The following TNFSF4 variants were observed in gnomAD, a reference collection of about 807,000 sequenced individuals.
TNFSF4 encodes the protein tumor necrosis factor ligand superfamily member 4.
A neutral mutation model predicts 7.3 loss-of-function variants in TNFSF4; 4 were observed. The observed-to-expected ratio is 0.55, with a 90% CI of 0.27 to 1.25. The LOEUF is 1.25. Ranked by LOEUF, TNFSF4 falls within the 50% of genes most tolerant of loss-of-function variation. The probability of loss-of-function intolerance (pLI) is 0.12; values close to 1 mark genes in which losing one functional copy is unlikely to be tolerated. For synonymous variants in TNFSF4, 76 were observed against 83.7 expected, an observed-to-expected ratio of 0.91 and a Z score of 0.50; for missense variants, 181 against 208.8, an observed-to-expected ratio of 0.87 and a Z score of 0.82.
chr1:173,246,286 C>A, the TNFSF4 span, among the ~76,000 whole-genome samples: 1 of 151,978 alleles, frequency 6.6e-6, no homozygotes, highest in Admixed American at 6.6e-5. Flanking sequence ...AGGTATTTTT[C>A]CTAATGTTCT....
At chr1:173,370,045 T>G in the TNFSF4 span, among the ~76,000 whole-genome samples, 2 of 152,066 alleles carry the variant, frequency 1.3e-5, no homozygotes, top group Non-Finnish European at 2.9e-5. Flanking sequence ...ATCAGTTATG[T>G]CCCCTTCAAG....
chr1:173,322,405 G>A, the TNFSF4 span, among the ~76,000 whole-genome samples: 1 of 151,994 alleles, frequency 6.6e-6, no homozygotes, highest in Non-Finnish European at 1.5e-5. Context: ...GATGATGGGG[G>A]GTGGAGCCAA....
chr1:173,316,327 T>C, the TNFSF4 span, among the ~76,000 whole-genome samples: 1 of 152,138 alleles, frequency 6.6e-6, no homozygotes, highest in African/African-American at 2.4e-5. Context: ...AACTTGTATT[T>C]AAATAAATTA....
chr1:173,175,735 G>C, the TNFSF4 span, among the ~76,000 whole-genome samples: 3 of 152,304 alleles, frequency 2.0e-5, no homozygotes, highest in Non-Finnish European at 2.9e-5. Flanking sequence ...CATCAGGTCA[G>C]ACCAGCACTT....
chr1:173,394,441 T>C, the TNFSF4 span, among the ~76,000 whole-genome samples: 1 of 152,308 alleles, frequency 6.6e-6, no homozygotes, highest in African/African-American at 2.4e-5. Context: ...CAATTTCATG[T>C]GTCAACTTGA....
chr1:173,364,843 A>G, the TNFSF4 span, among the ~76,000 whole-genome samples: 95 of 152,278 alleles, frequency 6.2e-4, no homozygotes, highest in Middle Eastern at 3.4e-3. Flanking sequence ...ACAAGTTGCC[A>G]TTTTAATTAC....
At chr1:173,337,609 C>T in the TNFSF4 span, among the ~76,000 whole-genome samples, 3 of 152,320 alleles carry the variant, frequency 2.0e-5, no homozygotes, top group South Asian at 6.2e-4. Flanking sequence ...AGCTGCAGCA[C>T]TATAGCCTTT....
the TNFSF4 span, among the ~76,000 whole-genome samples, chr1:173,373,206 C>T: frequency 6.6e-6 from 1 of 152,268 alleles, no homozygotes; most frequent in East Asian, 1.9e-4. Flanking sequence ...GAAGTTATTG[C>T]ACAAAGTACA....
the TNFSF4 span, among the ~76,000 whole-genome samples, chr1:173,264,317 C>CTTTTTTT: frequency 4.2e-4 from 46 of 110,538 alleles, no homozygotes; most frequent in African/African-American, 9.2e-4. Flanking sequence ...CTGGCTTCTT[C>CTTTTTTT]TTTTTTTTTT....
the TNFSF4 span, among the ~76,000 whole-genome samples, chr1:173,314,788 G>T: frequency 6.6e-6 from 1 of 152,128 alleles, no homozygotes; most frequent in South Asian, 2.1e-4. Context: ...AGACACAGAG[G>T]AAAGAGTGCT....
chr1:173,304,768 A>G, the TNFSF4 span, among the ~76,000 whole-genome samples: 2 of 152,106 alleles, frequency 1.3e-5, no homozygotes, highest in African/African-American at 4.8e-5. Context: ...AGAGCAAGCA[A>G]TCTGGGAGAG....
At chr1:173,412,087 G>A in the TNFSF4 span, among the ~76,000 whole-genome samples, 5 of 143,808 alleles carry the variant, frequency 3.5e-5, no homozygotes, top group Non-Finnish European at 6.0e-5. Flanking sequence ...TTGCACTCCA[G>A]CCTGGCAACA....
the TNFSF4 span, among the ~76,000 whole-genome samples, chr1:173,348,699 T>C: frequency 6.6e-6 from 1 of 152,104 alleles, no homozygotes; most frequent in Admixed American, 6.5e-5. Context: ...CACAAATTAT[T>C]AGTATCATGC....
the TNFSF4 span, among the ~76,000 whole-genome samples, chr1:173,338,146 C>T: frequency 1.3e-5 from 2 of 152,146 alleles, no homozygotes; most frequent in Non-Finnish European, 2.9e-5. Context: ...ACCCTGAGTC[C>T]CCAGCATGGT....
At chr1:173,260,746 C>T in the TNFSF4 span, among the ~76,000 whole-genome samples, 3 of 152,162 alleles carry the variant, frequency 2.0e-5, no homozygotes, top group Non-Finnish European at 1.5e-5. Context: ...CAAAGAAGGG[C>T]ATTACATAAT....
At chr1:173,195,949 T>C (rs1284614175) in intron 1 of TNFSF4, among the ~76,000 whole-genome samples, 3 of 152,174 alleles carry the variant, frequency 2.0e-5, no homozygotes, top group African/African-American at 4.8e-5. Flanking sequence ...TCCCCGCACC[T>C]TGGGCTTCAT....
At position 173,197,600 on chromosome 1, in the gene TNFSF4, A is replaced by C. The variant is rs563339246; in HGVS notation, c.154-9031T>G. 2.1e-3 allele frequency among the ~76,000 whole-genome samples: 317 copies of C among 152,294 alleles called. 1 individual carries two copies. The highest frequency in any genetic ancestry group is 3.5e-3 in the Non-Finnish European group (238 of 68,016). Reference sequence around the variant, plus strand: ...CAAACTAACACAGGAACAGAAAAACACCGCATGTTCTCACTTATAAGTGGG... The same window carrying C: ...CAAACTAACACAGGAACAGAAAAACCCCGCATGTTCTCACTTATAAGTGGG... On this transcript the variant is annotated intron_variant, in intron 1 of 2. Transcript: ENST00000281834.
At chr1:173,447,493 G>A in the TNFSF4 span, among the ~76,000 whole-genome samples, 1 of 152,264 alleles carries the variant, frequency 6.6e-6, no homozygotes, top group East Asian at 1.9e-4. Context: ...TAGGGGTAGA[G>A]GGCATATGGG....
chr1:173,437,336 CTTTTT>C, the TNFSF4 span, among the ~76,000 whole-genome samples: 1 of 152,062 alleles, frequency 6.6e-6, no homozygotes, highest in African/African-American at 2.4e-5. Flanking sequence ...TCGGCTTTTT[CTTTTT>C]TAAGTACTTT....
Sources: allele counts gnomAD v4.1 joint callset (sites outside exome capture counted in the v4.1 genomes callset), GRCh38; gene constraint gnomAD v4.1.1; transcripts MANE v1.5; gene names NCBI Gene and HGNC (gene_info 2026-07-23, HGNC 2026-07-21).